Variants in SLMAP observed in about 807,000 individuals in gnomAD.
The protein encoded by SLMAP is sarcolemmal membrane-associated protein.
Under a neutral mutation model 128.8 loss-of-function variants are expected in SLMAP, and 44 were observed. The observed-to-expected ratio is 0.34, with a 90% CI of 0.27 to 0.44. The LOEUF is 0.44. SLMAP is among the 20% of genes least tolerant of loss of function. SLMAP has a pLI of 1.00. For missense variants in SLMAP, 787 were observed against 985.3 expected (o/e 0.80, Z 2.69); for synonymous variants, 327 against 348.8 (o/e 0.94, Z 0.70).
At chr3:57,844,873 C>T (rs1460522937) in intron 4 of SLMAP, among the ~76,000 whole-genome samples, 2 of 152,022 alleles carry the variant, frequency 1.3e-5, no homozygotes, top group Non-Finnish European at 2.9e-5. Flanking sequence ...CTCCACTACA[C>T]CCGGCTGGTT....
intron 17 of SLMAP, chr3:57,900,921 G>A (rs1184684609): frequency 6.6e-6 from 1 of 152,130 alleles, no homozygotes; most frequent in Non-Finnish European, 1.5e-5. Context: ...CCACAAACAG[G>A]CCGTGAACAC....
intron 14 of SLMAP, among the ~76,000 whole-genome samples, chr3:57,875,454 G>C (rs1355661759): frequency 6.6e-6 from 1 of 152,224 alleles, no homozygotes; most frequent in Non-Finnish European, 1.5e-5. Flanking sequence ...GGTTGAGGCT[G>C]CAGTGAACCA....
Position 57,860,665 on chromosome 3 carries a change from A to G in SLMAP, c.688-34A>G, listed in dbSNP as rs1415521243. 4 of 1,444,010 alleles carry G rather than the reference A, an allele frequency of 2.8e-6. No homozygotes were observed. In the South Asian group the frequency reaches 5.4e-5, roughly 20 times the overall value. The allele number at this position is 1,444,010 out of a possible 1,614,324, so 89.4% of individuals were successfully genotyped here. On this transcript the variant is annotated intron_variant, in intron 8 of 24. Coordinates refer to ENST00000671191, the MANE Select transcript of SLMAP (RefSeq NM_001377540.1). The stretch of plus-strand genomic sequence containing the variant: ...AAACAATAAATGCTTTTAAAAAATA[A>G]CTTGTCTATAATTATAAATATCTTT...
chr3:57,769,290 T>G (rs921640712), intron 2 of SLMAP, among the ~76,000 whole-genome samples: 19 of 152,248 alleles, frequency 1.2e-4, no homozygotes, highest in African/African-American at 4.6e-4. Context: ...CCTCCTGGGT[T>G]CACGCCATTC....
intron 3 of SLMAP, among the ~76,000 whole-genome samples, chr3:57,836,135 A>C (rs1225344484): frequency 1.3e-5 from 2 of 152,182 alleles, no homozygotes. Context: ...TATTTAAAAT[A>C]GTCTCACCAA....
intron 17 of SLMAP, chr3:57,898,241 G>A (rs1175782813): frequency 1.3e-5 from 2 of 152,118 alleles, no homozygotes; most frequent in Admixed American, 6.6e-5. Context: ...GTTAATGTTG[G>A]TATGATCCAG....
intron 6 of SLMAP, among the ~76,000 whole-genome samples, chr3:57,850,587 A>G (rs890461465): frequency 1.3e-5 from 2 of 151,998 alleles, no homozygotes; most frequent in Non-Finnish European, 2.9e-5. Context: ...CCGAGCCCCA[A>G]AACAATTCTT....
At chr3:57,854,895 C>CA (rs1209853560) in intron 6 of SLMAP, among the ~76,000 whole-genome samples, 1 of 152,126 alleles carries the variant, frequency 6.6e-6, no homozygotes, top group Non-Finnish European at 1.5e-5. Flanking sequence ...TTTGTGTGAA[C>CA]ATTATACATT....
chr3:57,859,718 T>TGA (rs1399392152), intron 8 of SLMAP, among the ~76,000 whole-genome samples: 9 of 151,958 alleles, frequency 5.9e-5, no homozygotes, highest in Non-Finnish European at 1.3e-4. Flanking sequence ...GTTGGGAAAG[T>TGA]GAGAGGGGAG....
chr3:57,859,216 C>G (rs1371208990), intron 8 of SLMAP, among the ~76,000 whole-genome samples: 2 of 150,098 alleles, frequency 1.3e-5, no homozygotes, highest in Non-Finnish European at 1.5e-5. Context: ...CCAAGCTACT[C>G]AAGAGGCTGA....
chr3:57,757,859 C>A lies in SLMAP; in HGVS notation c.198+10C>A. 3.1e-6 allele frequency: 5 copies of A among 1,613,002 alleles called. No homozygotes were observed. Among genetic ancestry groups the A allele is most frequent in the Non-Finnish European group, 4.2e-6 (5 of 1,179,050 alleles). On this transcript the variant is annotated intron_variant, in intron 2 of 24. Coordinates refer to ENST00000671191, the MANE Select transcript of SLMAP (RefSeq NM_001377540.1). ...TCACAAGACGGGCAAGGTAATGTCA[C>A]CACATTGTCCAGCGGCATTGTTTAA...
intron 2 of SLMAP, among the ~76,000 whole-genome samples, chr3:57,772,702 A>G (rs943808825): frequency 6.6e-6 from 1 of 151,378 alleles, no homozygotes; most frequent in African/African-American, 2.4e-5. Flanking sequence ...GTGCAGTGGC[A>G]TGATCTCGGC....
At chr3:57,822,352 G>A (rs779980277) in intron 2 of SLMAP, among the ~76,000 whole-genome samples, 3 of 152,124 alleles carry the variant, frequency 2.0e-5, no homozygotes, top group Non-Finnish European at 2.9e-5. Context: ...TGAGGTCGTG[G>A]CACTCTGCTT....
At chr3:57,785,248 G>A (rs976127344) in intron 2 of SLMAP, among the ~76,000 whole-genome samples, 1 of 152,148 alleles carries the variant, frequency 6.6e-6, no homozygotes, top group African/African-American at 2.4e-5. Context: ...TCATAATGAT[G>A]CCATAGTTGC....
In SLMAP at chr3:57,864,804, C is replaced by T. The variant is rs759667451; in HGVS notation, c.1136-3C>T. The T allele has an allele frequency of 1.9e-6, 3 of 1,573,944 alleles. No individual in the cohort carries two copies. Among genetic ancestry groups the T allele is most frequent in the Non-Finnish European group, 2.6e-6 (3 of 1,162,114 alleles). Reference sequence around the variant, plus strand: ...TTTTTTTTTTTTGGACTTTTATTTACAGTACGGTTAGAACATCTTCAGGAG... The same window carrying T: ...TTTTTTTTTTTTGGACTTTTATTTATAGTACGGTTAGAACATCTTCAGGAG... On this transcript the variant is annotated splice_region_variant and splice_polypyrimidine_tract_variant and intron_variant, in intron 11 of 24. Transcript: ENST00000671191.
chr3:57,800,358 C>T (rs2087935074), intron 2 of SLMAP: 1 of 152,216 alleles, frequency 6.6e-6, no homozygotes, highest in Non-Finnish European at 1.5e-5. Flanking sequence ...TGGGGTTTCA[C>T]CATGTTGGCC....
At chr3:57,875,947 A>G (rs984553931) in intron 14 of SLMAP, among the ~76,000 whole-genome samples, 23 of 152,232 alleles carry the variant, frequency 1.5e-4, no homozygotes, top group African/African-American at 5.5e-4. Context: ...TTTGGATTAC[A>G]TATTAACAAG....
intron 2 of SLMAP, among the ~76,000 whole-genome samples, chr3:57,783,922 A>G (rs1273829208): frequency 6.6e-6 from 1 of 152,140 alleles, no homozygotes; most frequent in African/African-American, 2.4e-5. Flanking sequence ...ACACTGCCCT[A>G]GCTGTGGCTC....
At chr3:57,895,744 C>T (rs1401871562) in intron 15 of SLMAP, among the ~76,000 whole-genome samples, 1 of 151,888 alleles carries the variant, frequency 6.6e-6, no homozygotes, top group Non-Finnish European at 1.5e-5. Context: ...GAGTTTGAGA[C>T]CAGCCTAGGC....
Sources: gnomAD v4.1 joint callset for allele counts (sites outside exome capture counted in the v4.1 genomes callset) on GRCh38, gnomAD v4.1.1 for gene constraint, MANE v1.5 for transcripts, NCBI Gene and HGNC (gene_info 2026-07-23, HGNC 2026-07-21) for gene names.